Variants in ARL5B observed in about 807,000 individuals in gnomAD.
The protein encoded by ARL5B is ADP-ribosylation factor-like protein 5B.
A neutral mutation model predicts 26.9 loss-of-function variants in ARL5B; 10 were observed. That is an observed-to-expected ratio of 0.37 (90% CI 0.23 to 0.63). The LOEUF (loss-of-function observed/expected upper bound fraction) is 0.63, where lower values mean the gene tolerates loss of function less well. Ranked by LOEUF, ARL5B falls within the 30% of genes least tolerant of loss-of-function variation. The pLI, the probability that ARL5B is intolerant of heterozygous loss-of-function variation, is 0.62. For synonymous variants in ARL5B, 87 were observed against 70.4 expected (o/e 1.24, Z -1.18); for missense variants, 167 against 213.9 (o/e 0.78, Z 1.37).
At chr10:18,660,962 C>G (rs935308999) in intron 1 of ARL5B, among the ~76,000 whole-genome samples, 2 of 152,150 alleles carry the variant, frequency 1.3e-5, no homozygotes, top group African/African-American at 4.8e-5. Flanking sequence ...ATTCTTGTTC[C>G]TCAGCCTCCC....
intron 3 of ARL5B, among the ~76,000 whole-genome samples, chr10:18,669,422 AT>A (rs575102091): frequency 6.6e-6 from 1 of 151,728 alleles, no homozygotes; most frequent in Admixed American, 6.6e-5. Context: ...ATGTTGGTAG[AT>A]TTTTTTTTAA....
At chr10:18,673,641 C>T (rs192199297) in intron 4 of ARL5B, among the ~76,000 whole-genome samples, 58 of 152,210 alleles carry the variant, frequency 3.8e-4, no homozygotes, top group South Asian at 2.1e-3. Flanking sequence ...TATTGCCCAG[C>T]TCCCACCACC....
chr10:18,664,782 A>C (rs186858593), intron 1 of ARL5B, among the ~76,000 whole-genome samples: 35 of 152,122 alleles, frequency 2.3e-4, no homozygotes, highest in African/African-American at 8.0e-4. Flanking sequence ...TTAGGGACCT[A>C]CCTTTCAAAA....
At chr10:18,669,960 C>T (rs1051657980) in intron 3 of ARL5B, among the ~76,000 whole-genome samples, 3 of 145,898 alleles carry the variant, frequency 2.1e-5, no homozygotes, top group Non-Finnish European at 4.5e-5. Flanking sequence ...CACCACTGCA[C>T]TCCAGCCTGG....
intron 1 of ARL5B, among the ~76,000 whole-genome samples, chr10:18,661,327 T>A (rs1249985380): frequency 6.6e-6 from 1 of 152,202 alleles, no homozygotes; most frequent in Non-Finnish European, 1.5e-5. Flanking sequence ...TTGTCTTTTT[T>A]CGTTGGAGGT....
chr10:18,674,899 G>A (rs1026500413), intron 5 of ARL5B, among the ~76,000 whole-genome samples: 16 of 152,028 alleles, frequency 1.1e-4, no homozygotes, highest in Admixed American at 2.6e-4. Flanking sequence ...TTTAAAAGGC[G>A]GGGAGTATTT....
chr10:18,667,807 C>G (rs972751124), intron 2 of ARL5B, among the ~76,000 whole-genome samples: 1 of 152,074 alleles, frequency 6.6e-6, no homozygotes, highest in African/African-American at 2.4e-5. Context: ...CTCCACCTCC[C>G]AGGTTCAGGC....
intron 2 of ARL5B, among the ~76,000 whole-genome samples, chr10:18,667,290 A>T (rs1408359514): frequency 6.6e-6 from 1 of 152,158 alleles, no homozygotes; most frequent in Non-Finnish European, 1.5e-5. Flanking sequence ...CTTCCCACTC[A>T]TGTTGCATTA....
chr10:18,668,717 CTAGAGTAAACA>C, intron 3 of ARL5B, 40 bp downstream of exon 3: 1 of 1,596,736 alleles, frequency 6.3e-7, no homozygotes, highest in Non-Finnish European at 8.5e-7. Context: ...CCAAAGGTCC[CTAGAGTAAACA>C]TAGAAAGTAA....
rs778705410 is a variant in ARL5B at position 18,659,592 on chromosome 10, C to A, written c.-46C>A. The A allele has an allele frequency of 1.5e-4, 234 of 1,584,134 alleles. No homozygotes were observed. Among genetic ancestry groups the A allele is most frequent in the Non-Finnish European group, 2.0e-4 (228 of 1,166,840 alleles). On this transcript the variant is annotated 5_prime_UTR_variant, in exon 1 of 6. Transcript: ENST00000377275. ...CGCCGCGGTGGGGGACCCGGCGCAG[C>A]GGCACCTGCTGCCGAGGGACCCCGC...
At chr10:18,673,808 T>A (rs1218702818) in intron 4 of ARL5B, among the ~76,000 whole-genome samples, 176 bp from the exon 5 acceptor site, 2 of 152,138 alleles carry the variant, frequency 1.3e-5, no homozygotes, top group Non-Finnish European at 2.9e-5. Context: ...AAAAAATAAT[T>A]ATTTAATATT....
At chr10:18,670,337 G>T (rs536810470) in intron 3 of ARL5B, among the ~76,000 whole-genome samples, 2 of 151,998 alleles carry the variant, frequency 1.3e-5, no homozygotes, top group Admixed American at 1.3e-4. Flanking sequence ...AGGGCCAGGC[G>T]CAGTGGCTCA....
rs559143102 is a variant in ARL5B at position 18,659,433 on chromosome 10, T to C, written c.-205T>C. On this transcript the variant is annotated 5_prime_UTR_variant, in exon 1 of 6. Transcript: ENST00000377275. ...GACTACGGGTCGGCGTTGGGCTCAG[T>C]GGGCTCGAAACAAAGGGCTGTCCGG... The C allele has an allele frequency of 5.0e-3, 3,113 of 619,640 alleles. 16 individuals are homozygous for C. The highest frequency in any genetic ancestry group is 6.7e-3 in the Non-Finnish European group (2,564 of 380,156). 38.4% of individuals were successfully genotyped at this position (619,640 alleles called of 1,614,324 possible).
At position 18,681,528 on chromosome 10, in the gene ARL5B, C is replaced by G. The variant is rs1012136918; in HGVS notation, c.*6312C>G. On this transcript the variant is annotated 3_prime_UTR_variant, in exon 6 of 6. Coordinates refer to ENST00000377275, the MANE Select transcript of ARL5B (RefSeq NM_178815.5). ...ATGCTGTTTGCTCTGGAATGTTCAT[C>G]TTTTAGACAGGTTTTGGCTCATTTC... 1 of 152,124 alleles carries G rather than the reference C, an allele frequency of 6.6e-6. No individual in the cohort carries two copies. Among genetic ancestry groups the G allele is most frequent in the Non-Finnish European group, 1.5e-5 (1 of 68,028 alleles). 9.4% of individuals were successfully genotyped at this position (152,124 alleles called of 1,614,324 possible). A position where few individuals can be genotyped will look rare whatever the true frequency, so the allele number is the denominator to read the frequency against.
rs1425568220 is a variant in ARL5B at position 18,666,498 on chromosome 10, T to A, written c.47-77T>A. On this transcript the variant is annotated intron_variant, in intron 1 of 5. Transcript: ENST00000377275. The stretch of plus-strand genomic sequence containing the variant: ...GAATGATTCTCATTAATGAGCTAAC[T>A]AATAATCATTGTTGAAAGCATGTAA... The A allele has an allele frequency of 7.5e-6, 9 of 1,197,980 alleles. No individual in the cohort carries two copies. In the African/African-American group the frequency reaches 1.1e-4, roughly 14 times the overall value. 74.2% of individuals were successfully genotyped at this position (1,197,980 alleles called of 1,614,324 possible).
At chr10:18,665,390 T>C (rs987408685) in intron 1 of ARL5B, among the ~76,000 whole-genome samples, 1 of 152,216 alleles carries the variant, frequency 6.6e-6, no homozygotes, top group African/African-American at 2.4e-5. Context: ...TGTTTTGTTT[T>C]ACAAAGCAGC....
chr10:18,665,244 G>T (rs1467387405), intron 1 of ARL5B, among the ~76,000 whole-genome samples: 3 of 152,162 alleles, frequency 2.0e-5, no homozygotes, highest in African/African-American at 7.2e-5. Flanking sequence ...GGAGGTTCAG[G>T]TAGGAGGATC....
intron 1 of ARL5B, among the ~76,000 whole-genome samples, chr10:18,662,318 C>T (rs981786035): frequency 2.0e-5 from 3 of 151,992 alleles, no homozygotes; most frequent in Non-Finnish European, 4.4e-5. Context: ...CATTCTCATC[C>T]TTTTTTTTCC....
chr10:18,672,689 G>A lies in ARL5B; in HGVS notation c.323G>A (p.Arg108Lys). Residue 108 changes from arginine (R) to lysine (K), a missense_variant, in exon 4 of 6, where the codon AGA (arginine) becomes AAA (lysine). By Grantham distance (26) the Arg-to-Lys change is conservative (BLOSUM62 2). Coordinates refer to ENST00000377275, the MANE Select transcript of ARL5B (RefSeq NM_178815.5). The stretch of plus-strand genomic sequence containing the variant: ...GCTATTACAAAAGAAGAATTATACA[G>A]AATGTTGGCTCATGAGGTAAATTTT... Reference protein sequence around the residue: ...RLAITKEELYRMLAHEDLRKA... With the variant: ...RLAITKEELYKMLAHEDLRKA... 2 of 1,608,504 alleles carry A rather than the reference G, an allele frequency of 1.2e-6. No homozygotes were observed. Among genetic ancestry groups the A allele is most frequent in the African/African-American group, 1.3e-5 (1 of 74,902 alleles).
Sources: allele counts gnomAD v4.1 joint callset (sites outside exome capture counted in the v4.1 genomes callset), GRCh38; gene constraint gnomAD v4.1.1; transcripts MANE v1.5; gene names NCBI Gene and HGNC (gene_info 2026-07-23, HGNC 2026-07-21).